The following TDRD7 variants were observed in gnomAD, a reference collection of about 807,000 sequenced individuals.
TDRD7 encodes the protein tudor domain-containing protein 7.
In TDRD7, 47 loss-of-function variants were observed where a neutral mutation model predicts 109.8. That is an observed-to-expected ratio of 0.43 (90% confidence interval 0.34 to 0.55). TDRD7 has a LOEUF of 0.55. TDRD7 is among the 20% of genes least tolerant of loss of function. TDRD7 has a pLI of 0.03. For synonymous variants in TDRD7, 424 were observed against 457.3 expected (o/e 0.93, Z 0.93); for missense variants, 1,164 against 1,319.2 (o/e 0.88, Z 1.82).
intron 11 of TDRD7, 85 bp downstream of exon 11, chr9:97,473,711 T>A: frequency 9.1e-6 from 14 of 1,537,668 alleles, no homozygotes; most frequent in Non-Finnish European, 1.2e-5. Flanking sequence ...GTATGAACAA[T>A]TTTTTTTGTA....
chr9:97,427,931 G>A (rs1008603180), intron 1 of TDRD7, among the ~76,000 whole-genome samples: 2 of 151,952 alleles, frequency 1.3e-5, no homozygotes, highest in Non-Finnish European at 2.9e-5. Flanking sequence ...TAAGGCCCCC[G>A]TTACTTTTGG....
intron 6 of TDRD7, among the ~76,000 whole-genome samples, chr9:97,449,432 C>T (rs62557513): frequency 0.063 from 9,545 of 152,236 alleles, 533 homozygotes; most frequent in African/African-American, 0.15. Context: ...TTGGGGTTCC[C>T]AAAACCTCCT....
At chr9:97,465,895 A>G (rs1430851250) in intron 8 of TDRD7, among the ~76,000 whole-genome samples, 1 of 151,994 alleles carries the variant, frequency 6.6e-6, no homozygotes, top group Admixed American at 6.6e-5. Context: ...ACTTGGGTTC[A>G]TTTCTGTCCT....
chr9:97,475,337 C>T lies in TDRD7; in HGVS notation c.2080-46C>T, dbSNP rs142171140. The stretch of plus-strand genomic sequence containing the variant: ...GTTTTTCTAATGGTGTAGCAATATG[C>T]TCTTTGCTAAGAGTAATAAGAGTAT... On this transcript the variant is annotated intron_variant, in intron 11 of 16. Coordinates refer to ENST00000355295, the MANE Select transcript of TDRD7 (RefSeq NM_014290.3). 6.8e-4 allele frequency: 987 copies of T among 1,444,060 alleles called. 4 individuals carry two copies. In the African/African-American group the frequency reaches 0.012, roughly 17 times the overall value. 89.5% of individuals were successfully genotyped at this position (1,444,060 alleles called of 1,614,324 possible).
chr9:97,459,766 T>C (rs552115246), intron 6 of TDRD7, among the ~76,000 whole-genome samples: 14 of 152,348 alleles, frequency 9.2e-5, no homozygotes, highest in Non-Finnish European at 1.9e-4. Context: ...TCCTATTTTT[T>C]CTAAATATTT....
At position 97,495,887 on chromosome 9, in the gene TDRD7, C is replaced by T. The variant is rs993420920; in HGVS notation, c.*4C>T. The stretch of plus-strand genomic sequence containing the variant: ...AGAGCTTTCAAAAGTTAATTAATGA[C>T]TGCCTCTGAAACCTTGACAACTAAT... On this transcript the variant is annotated 3_prime_UTR_variant, in exon 17 of 17. Coordinates refer to ENST00000355295, the MANE Select transcript of TDRD7 (RefSeq NM_014290.3). 2.5e-6 allele frequency: 4 copies of T among 1,611,230 alleles called. No individual in the cohort carries two copies. The highest frequency in any genetic ancestry group is 3.4e-6 in the Non-Finnish European group (4 of 1,177,572).
In TDRD7 at chr9:97,475,368, A is replaced by G. The variant is rs372316746; in HGVS notation, c.2080-15A>G. The G allele has an allele frequency of 1.1e-4, 182 of 1,597,810 alleles. 1 individual carries two copies. Among genetic ancestry groups the G allele is most frequent in the Non-Finnish European group, 1.5e-5 (18 of 1,165,690 alleles). On this transcript the variant is annotated splice_polypyrimidine_tract_variant and intron_variant, in intron 11 of 16. Transcript: ENST00000355295. Reference sequence around the variant, plus strand: ...GCTAAGAGTAATAAGAGTATCATGCATTTCTGTTTTGCAGCACATGACCTC... The same window carrying G: ...GCTAAGAGTAATAAGAGTATCATGCGTTTCTGTTTTGCAGCACATGACCTC...
At chr9:97,446,307 A>T (rs1828399833) in intron 6 of TDRD7, among the ~76,000 whole-genome samples, 1 of 152,196 alleles carries the variant, frequency 6.6e-6, no homozygotes, top group Non-Finnish European at 1.5e-5. Context: ...AACTAGATGC[A>T]CTCAGCTAAG....
Position 97,464,918 on chromosome 9 carries a change from A to G in TDRD7, c.1519A>G (p.Lys507Glu), listed in dbSNP as rs1828796335. 6.2e-7 allele frequency: 1 copy of G among 1,614,216 alleles called. No individual in the cohort carries two copies. Among genetic ancestry groups the G allele is most frequent in the South Asian group, 1.1e-5 (1 of 91,090 alleles). ...EMKEYYSKNP[K>E]ITPVQAVNVG... ...GAAGGAATATTACAGTAAGAATCCT[A>G]AGATCACACCAGTCCAGGCTGTGAA... The change falls in exon 8 of 17, where the codon AAG becomes GAG. Residue 507 changes from lysine to glutamate, a missense_variant. Physicochemically the swap from Lys to Glu is moderately conservative, Grantham distance 56. Transcript: ENST00000355295.
At chr9:97,470,056 T>C (rs184523212) in intron 8 of TDRD7, among the ~76,000 whole-genome samples, 12 of 152,296 alleles carry the variant, frequency 7.9e-5, no homozygotes, top group African/African-American at 2.2e-4. Flanking sequence ...GCACAGTAGC[T>C]GAGAATAGCC....
chr9:97,475,683 G>A (rs1829006893), intron 12 of TDRD7, among the ~76,000 whole-genome samples: 1 of 151,958 alleles, frequency 6.6e-6, no homozygotes, highest in Non-Finnish European at 1.5e-5. Context: ...AGTTTCATTT[G>A]TGTTTTTCTC....
chr9:97,454,201 C>T (rs1458774237), intron 6 of TDRD7, among the ~76,000 whole-genome samples: 1 of 152,178 alleles, frequency 6.6e-6, no homozygotes, highest in African/African-American at 2.4e-5. Flanking sequence ...ACAGTCTCGG[C>T]TGGGTGTGAT....
At chr9:97,461,668 C>T (rs922284785) in intron 7 of TDRD7, among the ~76,000 whole-genome samples, 1 of 152,212 alleles carries the variant, frequency 6.6e-6, no homozygotes, top group Non-Finnish European at 1.5e-5. Flanking sequence ...CTATAATTTG[C>T]AGTCTCCATT....
intron 6 of TDRD7, among the ~76,000 whole-genome samples, chr9:97,450,247 G>A (rs1388304533): frequency 6.6e-6 from 1 of 152,034 alleles, no homozygotes; most frequent in Non-Finnish European, 1.5e-5. Flanking sequence ...TTTTTGGGTG[G>A]ACATTCAGAA....
chr9:97,440,084 T>G (rs1385160292), intron 5 of TDRD7, among the ~76,000 whole-genome samples: 3 of 152,238 alleles, frequency 2.0e-5, no homozygotes, highest in Non-Finnish European at 4.4e-5. Flanking sequence ...TATTTCTTAA[T>G]GGAAATTAAT....
chr9:97,478,507 A>G lies in TDRD7; in HGVS notation c.2235A>G (p.Val745=), dbSNP rs1373876099. ...QFLDSGTVTS[V]KVSELREIPP... ...TGGACTCTGGCACTGTGACATCTGT[A>G]AAAGTGTCAGAGCTCAGGGAAATTC... The change falls in exon 13 of 17, where the codon GTA becomes GTG. Residue 745 remains valine, a synonymous_variant. Transcript: ENST00000355295. The G allele has an allele frequency of 6.2e-7, 1 of 1,613,968 alleles. No individual in the cohort carries two copies. The highest frequency in any genetic ancestry group is 8.5e-7 in the Non-Finnish European group (1 of 1,179,992).
At chr9:97,413,987 T>C (rs927016518) in intron 1 of TDRD7, among the ~76,000 whole-genome samples, 3 of 152,228 alleles carry the variant, frequency 2.0e-5, no homozygotes, top group African/African-American at 7.2e-5. Context: ...TTAATGTGAA[T>C]ATAAAGAAAA....
intron 6 of TDRD7, among the ~76,000 whole-genome samples, chr9:97,446,645 G>T (rs149959255): frequency 6.6e-6 from 1 of 152,146 alleles, no homozygotes; most frequent in East Asian, 1.9e-4. Context: ...AGTTGCATCA[G>T]TATAGCAGTT....
In TDRD7 at chr9:97,449,297, G is replaced by A. The variant is rs111721428; in HGVS notation, c.855+7422G>A. Among the ~76,000 whole-genome samples the A allele has an allele frequency of 8.3e-3, 1,258 of 152,236 alleles. 45 individuals carry two copies. In the East Asian group the frequency reaches 0.11, roughly 13 times the overall value. ...TGCCCTCTAATTTAATACTAACACT[G>A]TCTACCTGGAGATAGCATCAGATCC... is the stretch of plus-strand genomic sequence containing the variant. On this transcript the variant is annotated intron_variant, in intron 6 of 16. Transcript: ENST00000355295.
Sources: allele counts gnomAD v4.1 joint callset (sites outside exome capture counted in the v4.1 genomes callset), GRCh38; gene constraint gnomAD v4.1.1; transcripts MANE v1.5; gene names NCBI Gene and HGNC (gene_info 2026-07-23, HGNC 2026-07-21).